The following DMD variants were observed in gnomAD, a reference collection of about 807,000 sequenced individuals.
The protein encoded by DMD is dystrophin.
Under a neutral mutation model 330.1 loss-of-function variants are expected in DMD, and 63 were observed. That is an observed-to-expected ratio of 0.19 (90% CI 0.16 to 0.24). The LOEUF is 0.24. DMD is among the 10% of genes least tolerant of loss of function. The pLI, the probability that DMD is intolerant of heterozygous loss-of-function variation, is 1.00. For synonymous variants in DMD, 1,223 were observed against 959.8 expected, an observed-to-expected ratio of 1.27 and a Z score of -5.07; for missense variants, 3,344 against 2,684.1, an observed-to-expected ratio of 1.25 and a Z score of -5.43.
intron 41 of DMD, among the ~76,000 whole-genome samples, chrX:32,317,345 A>G (rs1162129425): frequency 8.9e-6 from 1 of 111,783 alleles, no homozygotes; most frequent in Non-Finnish European, 1.9e-5. Flanking sequence ...TGACTATTAT[A>G]GAACACAATT....
intron 60 of DMD, among the ~76,000 whole-genome samples, chrX:31,440,428 C>T (rs901251441): frequency 8.9e-6 from 1 of 111,800 alleles, no homozygotes. Flanking sequence ...GGATTACAGG[C>T]GTGAGCCACC....
chrX:31,189,649 C>A (rs1304366604), intron 67 of DMD, among the ~76,000 whole-genome samples: 1 of 111,805 alleles, frequency 8.9e-6, no homozygotes. Flanking sequence ...TCCTAAATTG[C>A]AGATTAATTA....
chrX:32,321,729 T>C (rs2097616392), intron 41 of DMD, among the ~76,000 whole-genome samples: 1 of 111,920 alleles, frequency 8.9e-6, no homozygotes, highest in Non-Finnish European at 1.9e-5. Flanking sequence ...TGCATCAAAA[T>C]ATCAAAACCT....
In DMD at chrX:32,225,000, C is replaced by T. The variant is rs1249898359; in HGVS notation, c.6291-7937G>A. 4.5e-5 allele frequency among the ~76,000 whole-genome samples: 5 copies of T among 111,925 alleles called. No individual in the cohort carries two copies. The Admixed American group carries it at 4.8e-4, about 11-fold the overall frequency. On this transcript the variant is annotated intron_variant, in intron 43 of 78. Coordinates refer to ENST00000357033, the MANE Select transcript of DMD (RefSeq NM_004006.3). ...CATCAACACCTAAAGTGACCTCTTT[C>T]CCATTATAGGGGACTCTTCTACTGT...
intron 55 of DMD, among the ~76,000 whole-genome samples, chrX:31,624,216 A>C (rs1428131663): frequency 8.9e-6 from 1 of 112,074 alleles, no homozygotes; most frequent in Non-Finnish European, 1.9e-5. Flanking sequence ...TTTGCTTAAA[A>C]ATTCCAGTTA....
At chrX:33,255,629 G>A (rs1334842061) in intron 1 of DMD, among the ~76,000 whole-genome samples, 6 of 110,860 alleles carry the variant, frequency 5.4e-5, no homozygotes, top group Non-Finnish European at 1.1e-4. Flanking sequence ...CAAAGCCTTG[G>A]ACAATTCACC....
intron 44 of DMD, among the ~76,000 whole-genome samples, chrX:32,032,615 C>T (rs1237834661): frequency 9.0e-6 from 1 of 111,582 alleles, no homozygotes; most frequent in Non-Finnish European, 1.9e-5. Flanking sequence ...CATAAAAGCT[C>T]GATGTGGTTA....
intron 45 of DMD, among the ~76,000 whole-genome samples, chrX:31,941,599 T>C (rs2095002056): frequency 1.8e-5 from 2 of 111,612 alleles, no homozygotes; most frequent in South Asian, 7.6e-4. Context: ...GTTTGTTACC[T>C]GAGTATGTTG....
intron 7 of DMD, among the ~76,000 whole-genome samples, chrX:32,707,848 A>C (rs1388833588): frequency 3.6e-5 from 4 of 111,803 alleles, no homozygotes; most frequent in African/African-American, 9.7e-5. Flanking sequence ...TTCTCTCGAC[A>C]TGCCTGTTGT....
chrX:31,693,943 C>T (rs1352998613), intron 52 of DMD, among the ~76,000 whole-genome samples: 1 of 110,850 alleles, frequency 9.0e-6, no homozygotes, highest in Non-Finnish European at 1.9e-5. Context: ...CACAAAAGAC[C>T]CTGGATAGCC....
intron 44 of DMD, among the ~76,000 whole-genome samples, chrX:32,104,120 C>A (rs183560091): frequency 9.0e-6 from 1 of 111,235 alleles, no homozygotes; most frequent in African/African-American, 3.3e-5. Flanking sequence ...AAGAAGAAAT[C>A]AATAATGATT....
At position 31,891,407 on chromosome X, in the gene DMD, C is replaced by T. The variant is rs759399980; in HGVS notation, c.6913-16034G>A. Among the ~76,000 whole-genome samples, 32 of 111,917 alleles carry T rather than the reference C, an allele frequency of 2.9e-4. No homozygotes were observed. The Middle Eastern group carries it at 0.014, about 48-fold the overall frequency. On this transcript the variant is annotated intron_variant, in intron 47 of 78. Coordinates refer to ENST00000357033, the MANE Select transcript of DMD (RefSeq NM_004006.3). ...GGTGCCAAAATAGTTTTATATTCTG[C>T]GAGGATTGTTGCCATAACCCCATTT... is the stretch of plus-strand genomic sequence containing the variant.
At chrX:31,893,211 T>C (rs1391473078) in intron 47 of DMD, among the ~76,000 whole-genome samples, 2 of 112,024 alleles carry the variant, frequency 1.8e-5, no homozygotes, top group Non-Finnish European at 3.8e-5. Flanking sequence ...GCTGAACAAA[T>C]ATTTTAAGCA....
chrX:31,293,204 AGT>A (rs559104990), intron 62 of DMD, among the ~76,000 whole-genome samples: 3,908 of 57,889 alleles, frequency 0.068, 115 homozygotes, highest in East Asian at 0.11. Flanking sequence ...AGTCTGGTTT[AGT>A]GTGTGTGTGT....
At chrX:32,437,273 C>A (rs1414763148) in intron 29 of DMD, among the ~76,000 whole-genome samples, 1 of 112,048 alleles carries the variant, frequency 8.9e-6, no homozygotes, top group East Asian at 2.8e-4. Flanking sequence ...GGATTCAAGA[C>A]TGGAGGTGCT....
rs1338365259 is a variant in DMD at position 32,287,745 on chromosome X, G to A, written c.6118-44C>T. On this transcript the variant is annotated intron_variant, in intron 42 of 78. Transcript: ENST00000357033. Reference sequence around the variant, plus strand: ...AAAACAGTAAAAAAATGAATTAGCTGTCTATAGAAAGAGAAAAATATATAT... The same window carrying A: ...AAAACAGTAAAAAAATGAATTAGCTATCTATAGAAAGAGAAAAATATATAT... The A allele has an allele frequency of 5.3e-6, 5 of 946,301 alleles. No homozygotes were observed. The South Asian group carries it at 1.2e-4, about 22-fold the overall frequency. The allele number at this position is 946,301 out of a possible 1,213,427, so 78.0% of individuals were successfully genotyped here. A position where few individuals can be genotyped will look rare whatever the true frequency, so the allele number is the denominator to read the frequency against.
At chrX:31,209,306 T>G (rs1005673202) in intron 65 of DMD, among the ~76,000 whole-genome samples, 192 bp downstream of exon 65, 5 of 112,040 alleles carry the variant, frequency 4.5e-5, no homozygotes, top group Middle Eastern at 4.6e-3. Context: ...CTGAGAGCAA[T>G]CTACATTCTG....
At chrX:31,467,392 T>C (rs1236003832) in intron 59 of DMD, among the ~76,000 whole-genome samples, 2 of 111,520 alleles carry the variant, frequency 1.8e-5, no homozygotes, top group African/African-American at 6.5e-5. Flanking sequence ...TGAATTTTAT[T>C]GAAGGCCTTT....
At chrX:32,835,914 T>G (rs765794650) in intron 4 of DMD, among the ~76,000 whole-genome samples, 73 of 111,612 alleles carry the variant, frequency 6.5e-4, no homozygotes, top group Non-Finnish European at 1.3e-3. Context: ...TTTTGAGTGA[T>G]TTTTTTAAAC....
Sources: allele counts gnomAD v4.1 joint callset (sites outside exome capture counted in the v4.1 genomes callset), GRCh38; gene constraint gnomAD v4.1.1; transcripts MANE v1.5; gene names NCBI Gene and HGNC (gene_info 2026-07-23, HGNC 2026-07-21).